The following HSP90AA1 variants were observed in gnomAD, a reference collection of about 807,000 sequenced individuals.
The protein encoded by HSP90AA1 is heat shock protein 90 alpha family class A member 1.
In HSP90AA1, 18 loss-of-function variants were observed where a neutral mutation model predicts 73.3. The ratio of observed to expected loss-of-function variants is 0.25; its 90% CI spans 0.17 to 0.36. HSP90AA1 has a LOEUF of 0.36. Ranked by LOEUF, HSP90AA1 falls within the 10% of genes least tolerant of loss-of-function variation. The pLI, the probability that HSP90AA1 is intolerant of heterozygous loss-of-function variation, is 1.00. For synonymous variants in HSP90AA1, 477 were observed against 296.9 expected (o/e 1.61, Z -6.24); for missense variants, 704 against 874.2 (o/e 0.81, Z 2.45).
chr14:102,136,700 C>G (rs2152628445), intron 1 of HSP90AA1, among the ~76,000 whole-genome samples: 1 of 150,460 alleles, frequency 6.6e-6, no homozygotes, highest in East Asian at 2.0e-4. Context: ...CCAGCCTGGC[C>G]AACATGGTTA....
intron 1 of HSP90AA1, among the ~76,000 whole-genome samples, chr14:102,135,489 G>A (rs536236859): frequency 3.0e-4 from 45 of 152,400 alleles, no homozygotes; most frequent in African/African-American, 1.1e-3. Context: ...GGAGCTGCCT[G>A]CCAGTCCTGC....
At position 102,081,738 on chromosome 14, in the gene HSP90AA1, T is replaced by C; in HGVS notation, c.2173A>G (p.Thr725Ala). ...EMPPLEGDDD[T>A]SRMEEVD ...TAGTCTACTTCTTCCATGCGTGATG[T>C]GTCGTCATCTCCTTCAAGGGGTGGC... is the stretch of plus-strand genomic sequence containing the variant. Residue 725 changes from threonine (T) to alanine (A), a missense_variant, in exon 11 of 11, where the codon ACA (threonine) becomes GCA (alanine). By Grantham distance (58) the Thr-to-Ala change is moderately conservative. Transcript: ENST00000216281. 1 of 1,565,720 alleles carries C rather than the reference T, an allele frequency of 6.4e-7. No homozygotes were observed. Among genetic ancestry groups the C allele is most frequent in the Non-Finnish European group, 8.8e-7 (1 of 1,135,900 alleles).
chr14:102,082,938 G>T, intron 9 of HSP90AA1, 96 bp downstream of exon 9: 3 of 1,311,602 alleles, frequency 2.3e-6, no homozygotes, highest in Non-Finnish European at 3.3e-6. Flanking sequence ...ATAGTTTTCT[G>T]TTTTAAGTTG....
chr14:102,085,217 G>A lies in HSP90AA1; in HGVS notation c.663+81C>T, dbSNP rs1043981111. ...CCCCAGGCTTCAGACTAGTTGAACAGATCTAGGGACTAAGGATGTAGTACA... is the reference window on the plus strand; with the variant it reads ...CCCCAGGCTTCAGACTAGTTGAACAAATCTAGGGACTAAGGATGTAGTACA... On this transcript the variant is annotated intron_variant, in intron 4 of 10. Coordinates refer to ENST00000216281, the MANE Select transcript of HSP90AA1 (RefSeq NM_005348.4). 13 of 1,493,164 alleles carry A rather than the reference G, an allele frequency of 8.7e-6. No individual in the cohort carries two copies. The East Asian group carries it at 2.9e-4, about 34-fold the overall frequency. 92.5% of individuals were successfully genotyped at this position (1,493,164 alleles called of 1,614,324 possible).
At chr14:102,126,823 C>T (rs1415008684) in intron 1 of HSP90AA1, among the ~76,000 whole-genome samples, 1 of 152,182 alleles carries the variant, frequency 6.6e-6, no homozygotes, top group Non-Finnish European at 1.5e-5. Context: ...CCACTGCGCC[C>T]GGCCGACTAG....
chr14:102,094,742 C>CA (rs2049402555), intron 2 of HSP90AA1, among the ~76,000 whole-genome samples: 1 of 152,128 alleles, frequency 6.6e-6, no homozygotes, highest in South Asian at 2.1e-4. Context: ...GAGCTGAAGT[C>CA]AGAGGTAGGC....
At position 102,129,388 on chromosome 14, in the gene HSP90AA1, G is replaced by A. The variant is rs916756801; in HGVS notation, c.155+9862C>T. Reference sequence around the variant, plus strand: ...AGTGGTTTCTGGTATATTCAGAACTGTGCAATTATCACCTCTAAAAGAAAC... The same window carrying A: ...AGTGGTTTCTGGTATATTCAGAACTATGCAATTATCACCTCTAAAAGAAAC... On this transcript the variant is annotated intron_variant, in intron 1 of 11. Transcript: ENST00000334701. Among the ~76,000 whole-genome samples the A allele has an allele frequency of 5.3e-5, 8 of 152,098 alleles. No homozygotes were observed. The East Asian group carries it at 1.5e-3, about 29-fold the overall frequency.
At chr14:102,131,258 T>C (rs943461657) in intron 1 of HSP90AA1, among the ~76,000 whole-genome samples, 2 of 152,338 alleles carry the variant, frequency 1.3e-5, no homozygotes, top group East Asian at 3.9e-4. Context: ...ATGCCTACGT[T>C]GGAGTCATTC....
upstream of HSP90AA1, among the ~76,000 whole-genome samples, chr14:102,090,460 T>TG (rs1355364240): frequency 1.3e-5 from 1 of 77,864 alleles, no homozygotes; most frequent in Non-Finnish European, 3.8e-5. Context: ...ATTTCTTTTT[T>TG]TTTTTTTGAG....
chr14:102,117,157 C>A (rs55755850), intron 1 of HSP90AA1, among the ~76,000 whole-genome samples: 2,634 of 152,280 alleles, frequency 0.017, 84 homozygotes, highest in African/African-American at 0.061. Context: ...GTGCTAAGGG[C>A]AGCTCGGCAC....
intron 3 of HSP90AA1, 88 bp downstream of exon 3, chr14:102,085,670 T>A: frequency 6.3e-7 from 1 of 1,583,142 alleles, no homozygotes; most frequent in Non-Finnish European, 8.7e-7. Flanking sequence ...ACAAATTCTG[T>A]AAGCTTCACC....
chr14:102,083,581 A>T lies in HSP90AA1; in HGVS notation c.1451T>A (p.Met484Lys), dbSNP rs1380327137. The change falls in exon 8 of 11, where the codon ATG becomes AAG. Residue 484 changes from methionine (M) to lysine (K), a missense_variant. Coordinates refer to ENST00000216281, the MANE Select transcript of HSP90AA1 (RefSeq NM_005348.4). Reference protein sequence around the residue: ...MVSLKDYCTRMKENQKHIYYI... With the variant: ...MVSLKDYCTRKKENQKHIYYI... ...ATAGATATGTTTCTGGTTCTCCTTC[A>T]TTCTGGTGCAGTAGTCCTTGAGAGA... The T allele has an allele frequency of 1.2e-6, 2 of 1,613,894 alleles. No individual in the cohort carries two copies. Among genetic ancestry groups the T allele is most frequent in the South Asian group, 1.1e-5 (1 of 91,078 alleles).
intron 1 of HSP90AA1, 111 bp downstream of exon 1, chr14:102,086,875 C>G: frequency 1.7e-6 from 1 of 589,352 alleles, no homozygotes; most frequent in Non-Finnish European, 2.1e-6. Context: ...GGGAGCGCGG[C>G]CCTGGCTGCT....
chr14:102,129,971 T>TG (rs2049888339), intron 1 of HSP90AA1, among the ~76,000 whole-genome samples: 1 of 149,086 alleles, frequency 6.7e-6, no homozygotes, highest in East Asian at 1.9e-4. Context: ...AAATTTTTTT[T>TG]TTGTTTTGTT....
chr14:102,083,735 A>G (rs761011687), intron 7 of HSP90AA1, 42 bp from the exon 8 acceptor site: 1 of 1,520,388 alleles, frequency 6.6e-7, no homozygotes, highest in African/African-American at 1.4e-5. Context: ...TCTGAATTAA[A>G]AAAAAAAAAA....
chr14:102,119,864 G>GT (rs2049754156), intron 1 of HSP90AA1, among the ~76,000 whole-genome samples: 1 of 152,136 alleles, frequency 6.6e-6, no homozygotes, highest in South Asian at 2.1e-4. Context: ...TTTTGAGGGA[G>GT]TGTCTATATG....
Position 102,085,743 on chromosome 14 carries a change from T to C in HSP90AA1, c.529+15A>G, listed in dbSNP as rs200900437. On this transcript the variant is annotated intron_variant, in intron 3 of 10. Transcript: ENST00000216281. ...TTCCACCGCTCACTTAACCAGTGAA[T>C]GTTCAGGTGCCTACCTGTGTCTGTC... 8.9e-5 allele frequency: 143 copies of C among 1,613,974 alleles called. No individual in the cohort carries two copies. Among genetic ancestry groups the C allele is most frequent in the Non-Finnish European group, 1.2e-4 (136 of 1,179,872 alleles).
In HSP90AA1 at chr14:102,103,221, A is replaced by ATT. The variant is rs1244776166; in HGVS notation, c.156-1138_156-1137dup. The stretch of plus-strand genomic sequence containing the variant: ...AAAAAAAAAGCAGAAGTGGGAGTTG[A>ATT]TTTTTTTTTTTTTTTTTTTCAGATA... On this transcript the variant is annotated intron_variant, in intron 1 of 11. Transcript: ENST00000334701. Among the ~76,000 whole-genome samples the ATT allele has an allele frequency of 5.2e-3, 529 of 100,994 alleles. 10 individuals are homozygous for ATT. The highest frequency in any genetic ancestry group is 0.019 in the African/African-American group (508 of 27,434). The allele number at this position is 100,994 out of a possible 152,430, so 66.3% of individuals were successfully genotyped here. A position where few individuals can be genotyped will look rare whatever the true frequency, so the allele number is the denominator to read the frequency against.
chr14:102,119,708 C>T (rs965108802), intron 1 of HSP90AA1, among the ~76,000 whole-genome samples: 12 of 152,076 alleles, frequency 7.9e-5, no homozygotes, highest in African/African-American at 2.2e-4. Flanking sequence ...AGGGTGGTCT[C>T]GATCTCCTGA....
Sources: allele counts gnomAD v4.1 joint callset (sites outside exome capture counted in the v4.1 genomes callset), GRCh38; gene constraint gnomAD v4.1.1; transcripts MANE v1.5; gene names NCBI Gene and HGNC (gene_info 2026-07-23, HGNC 2026-07-21).